LRBA: variants seen among roughly 807,000 people sequenced by gnomAD.
LRBA encodes lipopolysaccharide-responsive and beige-like anchor protein.
Under a neutral mutation model 330.0 loss-of-function variants are expected in LRBA, and 176 were observed. That is an observed-to-expected ratio of 0.53 (90% CI 0.47 to 0.60). The LOEUF is 0.60. Among genes scored for constraint, LRBA ranks in the 20% least tolerant of loss-of-function variants. LRBA has a pLI of 0.00. For synonymous variants in LRBA, 1,230 were observed against 1,193.0 expected (o/e 1.03, Z -0.64); for missense variants, 3,259 against 3,444.8 (o/e 0.95, Z 1.35).
chr4:150,934,158 G>A (rs147605029), intron 2 of LRBA, among the ~76,000 whole-genome samples: 32 of 152,250 alleles, frequency 2.1e-4, no homozygotes, highest in Middle Eastern at 3.4e-3. Flanking sequence ...ATTACTCACT[G>A]AGTCAAAAAT....
chr4:150,407,611 T>C (rs1258019056), intron 47 of LRBA, among the ~76,000 whole-genome samples: 1 of 152,206 alleles, frequency 6.6e-6, no homozygotes, highest in Non-Finnish European at 1.5e-5. Flanking sequence ...AATTCTCCTA[T>C]ATAGACCCAA....
At chr4:150,597,104 TA>T in intron 38 of LRBA, 2 of 1,401,716 alleles carry the variant, frequency 1.4e-6, no homozygotes, top group Non-Finnish European at 2.0e-6. Context: ...TCTCTCAATT[TA>T]AAAATGCACA....
chr4:150,293,245 G>A (rs1266915197), intron 53 of LRBA, among the ~76,000 whole-genome samples: 1 of 152,062 alleles, frequency 6.6e-6, no homozygotes, highest in South Asian at 2.1e-4. Context: ...TTTCTCATGC[G>A]GCTCACCATA....
chr4:150,949,954 T>G (rs1162052808), intron 2 of LRBA, among the ~76,000 whole-genome samples: 1 of 152,118 alleles, frequency 6.6e-6, no homozygotes, highest in African/African-American at 2.4e-5. Flanking sequence ...AGAGTTTAAC[T>G]ATATATCCTA....
At chr4:150,746,110 A>C (rs576706387) in intron 35 of LRBA, among the ~76,000 whole-genome samples, 22 of 152,362 alleles carry the variant, frequency 1.4e-4, no homozygotes, top group African/African-American at 5.3e-4. Context: ...AAACATATAC[A>C]GTATTTATGT....
At chr4:151,006,857 G>T (rs1212430736) in intron 2 of LRBA, among the ~76,000 whole-genome samples, 1 of 152,084 alleles carries the variant, frequency 6.6e-6, no homozygotes, top group Admixed American at 6.6e-5. Context: ...CAAATTTCTT[G>T]TAATTATCAT....
At chr4:150,917,640 G>T (rs1249855456) in intron 5 of LRBA, among the ~76,000 whole-genome samples, 1 of 151,912 alleles carries the variant, frequency 6.6e-6, no homozygotes, top group Non-Finnish European at 1.5e-5. Context: ...CTTTTAAAAA[G>T]AACAGGCCAG....
chr4:150,309,540 A>G (rs1282030820), intron 52 of LRBA, among the ~76,000 whole-genome samples: 1 of 152,172 alleles, frequency 6.6e-6, no homozygotes, highest in Non-Finnish European at 1.5e-5. Context: ...AAAATATTTT[A>G]AGGGACACCA....
intron 30 of LRBA, among the ~76,000 whole-genome samples, chr4:150,822,890 C>G (rs1231863256): frequency 6.6e-6 from 1 of 152,166 alleles, no homozygotes; most frequent in Admixed American, 6.6e-5. Context: ...ACTAAAAATA[C>G]AAAGACTAGC....
intron 17 of LRBA, among the ~76,000 whole-genome samples, chr4:150,891,574 C>G (rs899584183): frequency 6.6e-6 from 1 of 152,210 alleles, no homozygotes; most frequent in Admixed American, 6.5e-5. Flanking sequence ...ATTCACTCAG[C>G]AGACTGCCTT....
At chr4:150,904,369 C>A (rs1434672077) in intron 13 of LRBA, among the ~76,000 whole-genome samples, 4 of 152,066 alleles carry the variant, frequency 2.6e-5, no homozygotes. Context: ...GCAGATAAAA[C>A]CCCTTGTGGA....
intron 40 of LRBA, among the ~76,000 whole-genome samples, chr4:150,560,632 C>G (rs1041673881): frequency 4.6e-5 from 7 of 152,154 alleles, no homozygotes; most frequent in African/African-American, 1.4e-4. Flanking sequence ...GAACTCCTAA[C>G]TGATACTTAG....
At chr4:150,491,421 C>T (rs1015591879) in intron 40 of LRBA, among the ~76,000 whole-genome samples, 13 of 152,048 alleles carry the variant, frequency 8.5e-5, no homozygotes, top group African/African-American at 2.2e-4. Flanking sequence ...GCTTATAAAT[C>T]ACATACACAA....
intron 35 of LRBA, among the ~76,000 whole-genome samples, chr4:150,757,145 T>A (rs1734420773): frequency 6.6e-6 from 1 of 152,168 alleles, no homozygotes; most frequent in Non-Finnish European, 1.5e-5. Flanking sequence ...TAAAATAAAT[T>A]TGTTTAAAAT....
intron 48 of LRBA, among the ~76,000 whole-genome samples, chr4:150,345,984 T>C (rs1736241810): frequency 6.6e-6 from 1 of 151,986 alleles, no homozygotes; most frequent in African/African-American, 2.4e-5. Context: ...ATTTTTAAAT[T>C]TGTTGTGGAG....
intron 47 of LRBA, among the ~76,000 whole-genome samples, chr4:150,387,325 G>C (rs1743231934): frequency 6.6e-6 from 1 of 152,024 alleles, no homozygotes; most frequent in Non-Finnish European, 1.5e-5. Flanking sequence ...TATGGTTTTA[G>C]AATGGAAGGT....
intron 46 of LRBA, among the ~76,000 whole-genome samples, chr4:150,419,803 A>G (rs965311852): frequency 1.3e-5 from 2 of 151,302 alleles, no homozygotes; most frequent in South Asian, 4.1e-4. Flanking sequence ...ATACCAGGTT[A>G]ATTTTTGTAT....
intron 47 of LRBA, among the ~76,000 whole-genome samples, chr4:150,367,941 A>G (rs187152582): frequency 1.1e-3 from 161 of 152,284 alleles, no homozygotes; most frequent in African/African-American, 3.6e-3. Context: ...CTATCTCTGG[A>G]TATTTTCTGT....
Position 150,588,148 on chromosome 4 carries a change from G to A in LRBA, c.6230C>T (p.Ala2077Val). 6.2e-7 allele frequency: 1 copy of A among 1,611,178 alleles called. No individual in the cohort carries two copies. The highest frequency in any genetic ancestry group is 8.5e-7 in the Non-Finnish European group (1 of 1,178,632). Residue 2077 changes from alanine (A) to valine (V), a missense_variant, in exon 40 of 57, where the codon GCC becomes GTC. Coordinates refer to ENST00000651943, the MANE Select transcript of LRBA (RefSeq NM_001364905.1). ...AGTGCCCTTTACTACAACAGAGGGGGCCACAAGCTGAGCTGGTGTGCTCAG... is the reference window on the plus strand; with the variant it reads ...AGTGCCCTTTACTACAACAGAGGGGACCACAAGCTGAGCTGGTGTGCTCAG... ...VSLSTPAQLV[A>V]PSVVVKGTLS...
Sources: allele counts gnomAD v4.1 joint callset (sites outside exome capture counted in the v4.1 genomes callset), GRCh38; gene constraint gnomAD v4.1.1; transcripts MANE v1.5; gene names NCBI Gene and HGNC (gene_info 2026-07-23, HGNC 2026-07-21).